Variants in AP3S2 observed in about 807,000 individuals in gnomAD.
AP3S2 encodes adaptor related protein complex 3 subunit sigma 2.
Under a neutral mutation model 23.4 loss-of-function variants are expected in AP3S2, and 22 were observed. The ratio of observed to expected loss-of-function variants is 0.94; its 90% CI spans 0.67 to 1.34. The LOEUF (loss-of-function observed/expected upper bound fraction) is 1.34. Among genes scored for constraint, AP3S2 ranks in the 40% most tolerant of loss-of-function variants. The probability of loss-of-function intolerance (pLI) is 0.00; values close to 1 mark genes in which losing one functional copy is unlikely to be tolerated. For synonymous variants in AP3S2, 86 were observed against 87.1 expected (o/e 0.99, Z 0.07); for missense variants, 241 against 236.9 (o/e 1.02, Z -0.11).
At chr15:89,881,933 GC>G (rs913646355) in intron 3 of AP3S2, among the ~76,000 whole-genome samples, 1 of 151,316 alleles carries the variant, frequency 6.6e-6, no homozygotes, top group Non-Finnish European at 1.5e-5. Flanking sequence ...CAATTCTCCT[GC>G]CTCAACCCCC....
intron 3 of AP3S2, among the ~76,000 whole-genome samples, chr15:89,887,560 C>T (rs1414416752): frequency 1.3e-5 from 2 of 152,030 alleles, no homozygotes; most frequent in African/African-American, 4.8e-5. Context: ...TTAGTAGAGA[C>T]CGGGTTTCAC....
Position 89,833,214 on chromosome 15 carries a change from G to T in AP3S2, c.*2301C>A, listed in dbSNP as rs958126418. 5 of 152,292 alleles carry T rather than the reference G, an allele frequency of 3.3e-5. No homozygotes were observed. Among genetic ancestry groups the T allele is most frequent in the African/African-American group, 9.6e-5 (4 of 41,552 alleles). 9.4% of individuals were successfully genotyped at this position (152,292 alleles called of 1,614,324 possible). On this transcript the variant is annotated 3_prime_UTR_variant, in exon 6 of 6. Transcript: ENST00000336418. The stretch of plus-strand genomic sequence containing the variant: ...CTTCGGCTTCAACATCAGTTAAATG[G>T]AGGGACACAGACGACTCTTTGGCTC...
At chr15:89,861,058 T>A (rs1025952332) in intron 4 of AP3S2, among the ~76,000 whole-genome samples, 7 of 152,248 alleles carry the variant, frequency 4.6e-5, no homozygotes, top group African/African-American at 1.7e-4. Context: ...CAGGTATTAA[T>A]GAGCTTTGTT....
At chr15:89,844,279 C>A (rs1284003230) in intron 4 of AP3S2, among the ~76,000 whole-genome samples, 1 of 71,176 alleles carries the variant, frequency 1.4e-5, no homozygotes, top group Non-Finnish European at 3.6e-5. Flanking sequence ...TTCTCTCTCT[C>A]TCTCTTTCTT....
chr15:89,868,980 C>T (rs1272548101), intron 4 of AP3S2, among the ~76,000 whole-genome samples: 7 of 146,174 alleles, frequency 4.8e-5, no homozygotes, highest in East Asian at 2.1e-4. Flanking sequence ...CCAGCCGCCC[C>T]GTCCGGGAGG....
intron 3 of AP3S2, among the ~76,000 whole-genome samples, chr15:89,873,530 CT>C (rs1361217700): frequency 1.3e-5 from 2 of 152,132 alleles, no homozygotes; most frequent in Non-Finnish European, 2.9e-5. Flanking sequence ...AGTGATCCCC[CT>C]GTCTTGGCCT....
At chr15:89,888,363 G>A (rs1896745372) in intron 3 of AP3S2, among the ~76,000 whole-genome samples, 158 bp downstream of exon 3, 2 of 152,140 alleles carry the variant, frequency 1.3e-5, no homozygotes, top group African/African-American at 4.8e-5. Flanking sequence ...AAGTGCTGAG[G>A]GTTTCTCAGG....
In AP3S2 at chr15:89,857,706, T is replaced by C. The variant is rs147500772; in HGVS notation, c.345+13769A>G. ...CTGTTACTAAAATTTCTAGCTTCCC[T>C]TCTACAAAGTGATAATAAAAATCAA... is the stretch of plus-strand genomic sequence containing the variant. On this transcript the variant is annotated intron_variant, in intron 4 of 5. Coordinates refer to ENST00000336418, the MANE Select transcript of AP3S2 (RefSeq NM_005829.5). Among the ~76,000 whole-genome samples the C allele has an allele frequency of 2.8e-3, 419 of 152,302 alleles. 2 individuals carry two copies. Among genetic ancestry groups the C allele is most frequent in the African/African-American group, 9.7e-3 (404 of 41,570 alleles).
At chr15:89,844,239 CTT>C (rs1361104422) in intron 4 of AP3S2, among the ~76,000 whole-genome samples, 7 of 84,876 alleles carry the variant, frequency 8.2e-5, no homozygotes, top group Admixed American at 1.3e-4. Flanking sequence ...TTCTTTCTTT[CTT>C]TCTTTCTTTC....
chr15:89,866,457 G>A (rs910335895), intron 4 of AP3S2, among the ~76,000 whole-genome samples: 1 of 151,040 alleles, frequency 6.6e-6, no homozygotes. Context: ...GTTTCCAGGT[G>A]TTGGGCAGCT....
intron 3 of AP3S2, chr15:89,876,974 G>A (rs891541944): frequency 1.1e-4 from 31 of 283,778 alleles, no homozygotes; most frequent in African/African-American, 6.5e-4. Context: ...CACAGCAGCT[G>A]GAAATCCAGT....
In AP3S2 at chr15:89,831,304, G is replaced by A. The variant is rs1003726017; in HGVS notation, c.*4211C>T. The A allele has an allele frequency of 1.3e-5, 2 of 152,190 alleles. No individual in the cohort carries two copies. Among genetic ancestry groups the A allele is most frequent in the African/African-American group, 4.8e-5 (2 of 41,438 alleles). 9.4% of individuals were successfully genotyped at this position (152,190 alleles called of 1,614,324 possible). On this transcript the variant is annotated 3_prime_UTR_variant, in exon 6 of 6. Transcript: ENST00000336418. ...CCACCAGCCTGCAAGCACGGACCCC[G>A]TGCTGGTGTGTGAGTGCAGCACACA... is the stretch of plus-strand genomic sequence containing the variant.
At chr15:89,837,568 C>A (rs1383942670) in intron 5 of AP3S2, 47 bp downstream of exon 5, 2 of 1,611,676 alleles carry the variant, frequency 1.2e-6, no homozygotes, top group African/African-American at 1.3e-5. Flanking sequence ...TGCCTCTGCC[C>A]AGGTTTTCTC....
chr15:89,865,606 G>C (rs1896099354), intron 4 of AP3S2: 1 of 152,272 alleles, frequency 6.6e-6, no homozygotes, highest in Non-Finnish European at 1.5e-5. Flanking sequence ...TCTTTTGCCA[G>C]TGCTGCAGCC....
At chr15:89,839,972 C>T (rs1235940689) in intron 4 of AP3S2, among the ~76,000 whole-genome samples, 2 of 151,906 alleles carry the variant, frequency 1.3e-5, no homozygotes, top group Non-Finnish European at 2.9e-5. Flanking sequence ...AGGATGAGGA[C>T]TGTGTGATTC....
chr15:89,878,802 A>G (rs1896502243), intron 3 of AP3S2, among the ~76,000 whole-genome samples: 2 of 152,178 alleles, frequency 1.3e-5, no homozygotes, highest in Non-Finnish European at 2.9e-5. Context: ...GCTGGAGTGC[A>G]GTGGCATGAT....
chr15:89,867,227 C>A (rs1213106953), intron 4 of AP3S2, among the ~76,000 whole-genome samples: 3 of 149,580 alleles, frequency 2.0e-5, no homozygotes, highest in Non-Finnish European at 3.0e-5. Context: ...TTGGCCGGGC[C>A]GGTCTCCAGC....
intron 4 of AP3S2, among the ~76,000 whole-genome samples, chr15:89,852,006 C>T (rs1007138265): frequency 2.0e-5 from 3 of 152,118 alleles, no homozygotes; most frequent in Non-Finnish European, 4.4e-5. Context: ...AACACATTTC[C>T]CCACATTTAG....
At chr15:89,867,318 A>G (rs1026239128) in intron 4 of AP3S2, among the ~76,000 whole-genome samples, 5 of 150,792 alleles carry the variant, frequency 3.3e-5, no homozygotes, top group South Asian at 2.1e-4. Flanking sequence ...TCAGTGCTCA[A>G]TGGTGCCCAG....
Sources: gnomAD v4.1 joint callset for allele counts (sites outside exome capture counted in the v4.1 genomes callset) on GRCh38, gnomAD v4.1.1 for gene constraint, MANE v1.5 for transcripts, NCBI Gene and HGNC (gene_info 2026-07-23, HGNC 2026-07-21) for gene names.